Variants in DLGAP3 observed in about 807,000 individuals in gnomAD.
DLGAP3 encodes the protein disks large-associated protein 3.
Under a neutral mutation model 81.2 loss-of-function variants are expected in DLGAP3, and 17 were observed. The ratio of observed to expected loss-of-function variants is 0.21; its 90% CI spans 0.14 to 0.31. DLGAP3 has a LOEUF of 0.31. Among genes scored for constraint, DLGAP3 ranks in the 10% least tolerant of loss-of-function variants. The pLI is 1.00. For missense variants in DLGAP3, 1,124 were observed against 1,388.0 expected (o/e 0.81, Z 3.02); for synonymous variants, 577 against 587.4 (o/e 0.98, Z 0.26).
chr1:34,928,090 A>G (rs777960620), intron 1 of DLGAP3, among the ~76,000 whole-genome samples: 1 of 152,198 alleles, frequency 6.6e-6, no homozygotes, highest in Non-Finnish European at 1.5e-5. Flanking sequence ...TGTTGGGGAA[A>G]TAAGAAGAGT....
intron 5 of DLGAP3, among the ~76,000 whole-genome samples, chr1:34,894,500 G>T (rs143106576): frequency 1.6e-4 from 25 of 152,292 alleles, no homozygotes; most frequent in Non-Finnish European, 3.5e-4. Flanking sequence ...ACAGCAACCT[G>T]AGAGAAATTA....
At chr1:34,898,516 T>C (rs1355605355) in intron 5 of DLGAP3, among the ~76,000 whole-genome samples, 1 of 152,200 alleles carries the variant, frequency 6.6e-6, no homozygotes, top group Non-Finnish European at 1.5e-5. Flanking sequence ...GTTCAGGCAA[T>C]GGAACAAAGG....
intron 1 of DLGAP3, among the ~76,000 whole-genome samples, chr1:34,924,131 C>T (rs1639834608): frequency 6.6e-6 from 1 of 152,154 alleles, no homozygotes; most frequent in South Asian, 2.1e-4. Flanking sequence ...CTATTCCCTT[C>T]ATGGTTACAA....
intron 1 of DLGAP3, among the ~76,000 whole-genome samples, chr1:34,926,705 T>C (rs1639878007): frequency 6.6e-6 from 1 of 152,060 alleles, no homozygotes; most frequent in Non-Finnish European, 1.5e-5. Context: ...AACAACCAAA[T>C]ACGGGGCCCC....
chr1:34,923,835 G>C (rs2148421763), intron 1 of DLGAP3, among the ~76,000 whole-genome samples: 1 of 152,200 alleles, frequency 6.6e-6, no homozygotes, highest in Admixed American at 6.5e-5. Flanking sequence ...AGTCACATGT[G>C]GGAAGGGATC....
Position 34,885,523 on chromosome 1 carries a change from C to T in DLGAP3, c.1869G>A (p.Arg623=). 1 of 1,609,290 alleles carries T rather than the reference C, an allele frequency of 6.2e-7. No individual in the cohort carries two copies. Among genetic ancestry groups the T allele is most frequent in the Non-Finnish European group, 8.5e-7 (1 of 1,179,852 alleles). Residue 623 remains arginine, a synonymous_variant, in exon 7 of 12, where the codon CGG becomes CGA. Coordinates refer to ENST00000373347, the MANE Select transcript of DLGAP3 (RefSeq NM_001080418.3). The part of the protein sequence containing the change: ...IKTIPGREEL[R]SLARQRKWRP... ...GCCACTTCCGCTGCCGCGCCAGGCTCCGCAGCTCCTCCCTGCCAGGGATGG... is the reference window on the plus strand; with the variant it reads ...GCCACTTCCGCTGCCGCGCCAGGCTTCGCAGCTCCTCCCTGCCAGGGATGG...
At chr1:34,928,397 T>C (rs1639904121) in intron 1 of DLGAP3, among the ~76,000 whole-genome samples, 2 of 151,592 alleles carry the variant, frequency 1.3e-5, no homozygotes, top group African/African-American at 2.4e-5. Flanking sequence ...CGCAGGCACA[T>C]ACTCCAGCTC....
At chr1:34,906,016 T>TTATATATATATATATATATATA (rs150603784) in intron 2 of DLGAP3, among the ~76,000 whole-genome samples, 1,332 of 64,536 alleles carry the variant, frequency 0.021, 196 homozygotes, top group Admixed American at 0.099. Flanking sequence ...GCCTCTAAAT[T>TTATATATATATATATATATATA]TATATATATA....
At chr1:34,898,321 G>A (rs926389258) in intron 5 of DLGAP3, among the ~76,000 whole-genome samples, 1 of 152,228 alleles carries the variant, frequency 6.6e-6, no homozygotes, top group African/African-American at 2.4e-5. Context: ...GGGAATCTAG[G>A]AGAATGTAGA....
intron 8 of DLGAP3, among the ~76,000 whole-genome samples, chr1:34,874,358 C>T (rs1324458772): frequency 2.6e-5 from 4 of 152,176 alleles, no homozygotes; most frequent in African/African-American, 9.7e-5. Context: ...GTCAAACCCA[C>T]TCCTAACTAT....
chr1:34,880,529 G>A (rs974195698), intron 8 of DLGAP3, among the ~76,000 whole-genome samples: 2 of 152,018 alleles, frequency 1.3e-5, no homozygotes, highest in African/African-American at 2.4e-5. Flanking sequence ...TCAGAAGTTC[G>A]AGACCAGCCT....
intron 5 of DLGAP3, among the ~76,000 whole-genome samples, chr1:34,898,795 G>A (rs574018852): frequency 1.1e-4 from 16 of 152,286 alleles, no homozygotes; most frequent in Admixed American, 6.5e-4. Context: ...TGCTGCTTCC[G>A]TCTAATTAAG....
At chr1:34,889,248 G>A (rs1639278971) in intron 5 of DLGAP3, among the ~76,000 whole-genome samples, 1 of 152,164 alleles carries the variant, frequency 6.6e-6, no homozygotes, top group Non-Finnish European at 1.5e-5. Flanking sequence ...GACAAAAGAA[G>A]GTGAACAACT....
rs1489462215 is a variant in DLGAP3, at chr1:34,900,073, C to T, written c.1308G>A (p.Arg436=). The T allele has an allele frequency of 4.3e-6, 7 of 1,612,946 alleles. No individual in the cohort carries two copies. Among genetic ancestry groups the T allele is most frequent in the South Asian group, 3.3e-5 (3 of 91,094 alleles). The change falls in exon 4 of 12, where the codon AGG becomes AGA. Residue 436 remains arginine (R), a synonymous_variant. Coordinates refer to ENST00000373347, the MANE Select transcript of DLGAP3 (RefSeq NM_001080418.3). The surrounding 1 kb of genome is among the most constrained non-coding windows in gnomAD (Gnocchi z 5.6). ...TRRSSSVDQA[R]INCCVPPRIH... ...CCGGCCCTCCCTGTCCTTACTTGAT[C>T]CTGGCCTGGTCCACGCTGGAGGAGC... is the stretch of plus-strand genomic sequence containing the variant.
intron 8 of DLGAP3, among the ~76,000 whole-genome samples, chr1:34,881,886 G>A (rs1398438419): frequency 1.3e-5 from 2 of 152,066 alleles, no homozygotes; most frequent in Non-Finnish European, 2.9e-5. Flanking sequence ...GGAATAGAAA[G>A]GAATTTCCTT....
At chr1:34,889,500 A>G (rs1639282431) in intron 5 of DLGAP3, among the ~76,000 whole-genome samples, 1 of 152,242 alleles carries the variant, frequency 6.6e-6, no homozygotes, top group Admixed American at 6.5e-5. Context: ...TCAAAGTCAA[A>G]GAATCCTCTT....
chr1:34,890,643 G>C (rs1639297040), intron 5 of DLGAP3, among the ~76,000 whole-genome samples: 2 of 152,214 alleles, frequency 1.3e-5, no homozygotes, highest in Admixed American at 1.3e-4. Context: ...AGAAGAAATT[G>C]ATGTCCCTGG....
intron 5 of DLGAP3, among the ~76,000 whole-genome samples, chr1:34,897,208 A>G (rs558253555): frequency 1.3e-5 from 2 of 152,326 alleles, no homozygotes; most frequent in East Asian, 3.9e-4. Flanking sequence ...ATAAAGCAAG[A>G]ATAAGAAGCC....
At position 34,900,043 on chromosome 1, in the gene DLGAP3, A is replaced by G. The variant is rs1248962904; in HGVS notation, c.1313+25T>C. On this transcript the variant is annotated intron_variant, in intron 4 of 11. Transcript: ENST00000373347. This position sits in a 1 kb window ranked among gnomAD's most constrained non-coding sequence, Gnocchi z 5.6. Reference sequence around the variant, plus strand: ...TCCAGCATCAGCCTCCTGACCCCGCACCCCCCGGCCCTCCCTGTCCTTACT... The same window carrying G: ...TCCAGCATCAGCCTCCTGACCCCGCGCCCCCCGGCCCTCCCTGTCCTTACT... 6.2e-7 allele frequency: 1 copy of G among 1,602,000 alleles called. No homozygotes were observed. Among genetic ancestry groups the G allele is most frequent in the Non-Finnish European group, 8.5e-7 (1 of 1,173,680 alleles).
Sources: allele counts gnomAD v4.1 joint callset (sites outside exome capture counted in the v4.1 genomes callset), GRCh38; gene constraint gnomAD v4.1.1; non-coding constraint Gnocchi (gnomAD v3.1); transcripts MANE v1.5; gene names NCBI Gene and HGNC (gene_info 2026-07-23, HGNC 2026-07-21).